The following XKR5 variants were observed in gnomAD, a reference collection of about 807,000 sequenced individuals.
XKR5 encodes XK-related protein 5.
XKR5 carries 46 observed loss-of-function variants against 40.8 expected under a neutral mutation model. The observed-to-expected ratio is 1.13, with a 90% CI of 0.89 to 1.44. The LOEUF is 1.44. Ranked by LOEUF, XKR5 falls within the 40% of genes most tolerant of loss-of-function variation. The pLI is 0.00. For synonymous variants in XKR5, 466 were observed against 356.1 expected, an observed-to-expected ratio of 1.31 and a Z score of -3.48; for missense variants, 1,169 against 844.7, an observed-to-expected ratio of 1.38 and a Z score of -4.76.
intron 2 of XKR5, chr8:6,829,181 C>G (rs578186658): frequency 5.9e-6 from 1 of 168,898 alleles, no homozygotes; most frequent in African/African-American, 2.4e-5. Flanking sequence ...TTAGAGTTTA[C>G]CTTAACTTTC....
chr8:6,819,288 G>C (rs545045541), intron 5 of XKR5, among the ~76,000 whole-genome samples: 1 of 152,200 alleles, frequency 6.6e-6, no homozygotes, highest in South Asian at 2.1e-4. Flanking sequence ...GGGGCTGCGT[G>C]GGTCCCGGCA....
At chr8:6,832,946 T>A in intron 1 of XKR5, 46 bp from the exon 2 acceptor site, 1 of 1,461,246 alleles carries the variant, frequency 6.8e-7, no homozygotes, top group South Asian at 1.4e-5. Flanking sequence ...AAGGCTGGAG[T>A]GAGACTGGGT....
chr8:6,811,352 A>C lies in XKR5; in HGVS notation c.1907T>G (p.Leu636Arg). 3.3e-6 allele frequency: 5 copies of C among 1,537,342 alleles called. No homozygotes were observed. Among genetic ancestry groups the C allele is most frequent in the African/African-American group, 2.7e-5 (2 of 73,162 alleles). ...CACACCAACAGCTGCATGGTGACTT[A>C]GCTCCCTTTTGGGCTCCAGCGGCTC... ...LEEPLEPKRELSHHAAVGVWV... is the reference protein window; with the variant it reads ...LEEPLEPKRERSHHAAVGVWV... Residue 636 changes from leucine (L) to arginine (R), a missense_variant, in exon 7 of 7, where the codon CTA becomes CGA. By Grantham distance (102) the Leu-to-Arg change is moderately radical (BLOSUM62 -2). Coordinates refer to ENST00000618742, the MANE Select transcript of XKR5 (RefSeq NM_207411.5).
chr8:6,812,821 C>T (rs1803799022), intron 6 of XKR5, among the ~76,000 whole-genome samples: 1 of 152,142 alleles, frequency 6.6e-6, no homozygotes, highest in South Asian at 2.1e-4. Context: ...ACAAGTAAGA[C>T]CTAAACAGAG....
chr8:6,832,929 T>C lies in XKR5; in HGVS notation c.59-29A>G, dbSNP rs376336584. 48 of 1,524,834 alleles carry C rather than the reference T, an allele frequency of 3.1e-5. 1 individual carries two copies. The highest frequency in any genetic ancestry group is 4.2e-5 in the Non-Finnish European group (48 of 1,140,524). 94.5% of individuals were successfully genotyped at this position (1,524,834 alleles called of 1,614,324 possible). A position where few individuals can be genotyped will look rare whatever the true frequency, so the allele number is the denominator to read the frequency against. On this transcript the variant is annotated intron_variant, in intron 1 of 6. Transcript: ENST00000618742. ...GGTGAGAAGGGGAAAGGCAAGCAGGTTGTTGGAAGGCTGGAGTGAGACTGG... is the reference window on the plus strand; with the variant it reads ...GGTGAGAAGGGGAAAGGCAAGCAGGCTGTTGGAAGGCTGGAGTGAGACTGG...
At chr8:6,830,022 A>G (rs1477310348) in intron 2 of XKR5, among the ~76,000 whole-genome samples, 2 of 151,550 alleles carry the variant, frequency 1.3e-5, no homozygotes, top group Non-Finnish European at 2.9e-5. Flanking sequence ...TATTTTTAGT[A>G]GAGACGGGGT....
rs1484673516 is a variant in XKR5, at chr8:6,811,549, C to A, written c.1710G>T (p.Arg570Ser). ...PATLQTAHSG[R>S]RLGKSSPAQP... ...GGGCAGGGCTGCTCTTTCCCAGCCT[C>A]CTTCCAGAGTGGGCCGTTTGCAGAG... The change falls in exon 7 of 7, where the codon AGG becomes AGT. Residue 570 changes from arginine (R) to serine (S), a missense_variant. Physicochemically the swap from Arg to Ser is moderately radical, Grantham distance 110. Coordinates refer to ENST00000618742, the MANE Select transcript of XKR5 (RefSeq NM_207411.5). The A allele has an allele frequency of 1.3e-6, 2 of 1,535,962 alleles. No individual in the cohort carries two copies. The highest frequency in any genetic ancestry group is 8.7e-7 in the Non-Finnish European group (1 of 1,146,082).
At chr8:6,818,089 C>G (rs1332630511) in intron 5 of XKR5, among the ~76,000 whole-genome samples, 1 of 152,230 alleles carries the variant, frequency 6.6e-6, no homozygotes, top group Admixed American at 6.5e-5. Context: ...ATGCAGGGCT[C>G]TTCCCTATGG....
chr8:6,834,295 T>G (rs967010293), intron 1 of XKR5, among the ~76,000 whole-genome samples: 2 of 152,240 alleles, frequency 1.3e-5, no homozygotes, highest in African/African-American at 4.8e-5. Flanking sequence ...AAAACTGCCC[T>G]GAGGTACAGC....
At chr8:6,826,479 A>G (rs4841770) in intron 2 of XKR5, among the ~76,000 whole-genome samples, 76,498 of 151,802 alleles carry the variant, frequency 0.5, 20,336 homozygotes, top group East Asian at 0.91. Context: ...GAAATAGTGG[A>G]GTTGGAGATC....
chr8:6,832,970 A>G (rs1452269844), intron 1 of XKR5, 70 bp from the exon 2 acceptor site: 2 of 1,320,498 alleles, frequency 1.5e-6, no homozygotes, highest in African/African-American at 1.5e-5. Flanking sequence ...TGCATTTTAA[A>G]CAACTGAACA....
intron 2 of XKR5, among the ~76,000 whole-genome samples, chr8:6,826,262 G>A (rs1035728029): frequency 2.0e-5 from 3 of 152,248 alleles, no homozygotes; most frequent in Middle Eastern, 6.8e-3. Flanking sequence ...ATATATGTGT[G>A]TGCATGAAGG....
chr8:6,815,307 C>G (rs897445460), intron 6 of XKR5, among the ~76,000 whole-genome samples: 1 of 152,204 alleles, frequency 6.6e-6, no homozygotes, highest in Non-Finnish European at 1.5e-5. Context: ...CAGGCCTGTG[C>G]TCAGGCCTGC....
At position 6,815,861 on chromosome 8, in the gene XKR5, C is replaced by T. The variant is rs367855352; in HGVS notation, c.865G>A (p.Ala289Thr). The change falls in exon 6 of 7, where the codon GCA (alanine) becomes ACA (threonine). Residue 289 changes from alanine (A) to threonine (T), a missense_variant. Transcript: ENST00000618742. ...LLLATDFLQG[A>T]SWTSLQTIAG... ...ATGGTCTGCAGGCTGGTCCACGATG[C>T]CCCCTGGAGAAAGTCGGTGGCCAAC... is the stretch of plus-strand genomic sequence containing the variant. 7 of 1,605,528 alleles carry T rather than the reference C, an allele frequency of 4.4e-6. No homozygotes were observed. The highest frequency in any genetic ancestry group is 2.2e-5 in the East Asian group (1 of 44,514).
chr8:6,829,975 C>G (rs1804685097), intron 2 of XKR5, among the ~76,000 whole-genome samples: 1 of 151,528 alleles, frequency 6.6e-6, no homozygotes, highest in Non-Finnish European at 1.5e-5. Flanking sequence ...GTAGCTGGGA[C>G]TACAGGCGCC....
rs907817451 is a variant in XKR5, at chr8:6,810,227, C to T, written c.*971G>A. ...TTTATGACTAGACTTCCTTAATCAG[C>T]TACAAAGGAAGGCTTAAAGAAATTA... On this transcript the variant is annotated 3_prime_UTR_variant, in exon 7 of 7. Transcript: ENST00000618742. The T allele has an allele frequency of 3.3e-5, 5 of 152,342 alleles. No homozygotes were observed. Among genetic ancestry groups the T allele is most frequent in the African/African-American group, 9.6e-5 (4 of 41,568 alleles). The allele number at this position is 152,342 out of a possible 1,614,324, so 9.4% of individuals were successfully genotyped here. A position where few individuals can be genotyped will look rare whatever the true frequency, so the allele number is the denominator to read the frequency against.
chr8:6,824,356 GGAGGGA>G (rs892609472), intron 3 of XKR5, among the ~76,000 whole-genome samples: 9 of 152,112 alleles, frequency 5.9e-5, no homozygotes, highest in Admixed American at 4.6e-4. Flanking sequence ...GGGGATAGCA[GGAGGGA>G]GAGGGAGAGG....
rs2117074214 is a variant in XKR5, at chr8:6,811,591, T to C, written c.1668A>G (p.Gln556=). 1.3e-6 allele frequency: 2 copies of C among 1,537,354 alleles called. No individual in the cohort carries two copies. The highest frequency in any genetic ancestry group is 8.7e-7 in the Non-Finnish European group (1 of 1,146,922). The change falls in exon 7 of 7, where the codon CAA becomes CAG. Residue 556 remains glutamine (Q), a synonymous_variant. Transcript: ENST00000618742. ...TTTGCAGAGTAGCTGGGCTGCCTTC[T>C]TGTTGTGAGGATGTGGCCACTTCTG... is the stretch of plus-strand genomic sequence containing the variant. ...ATAEVATSSQ[Q]EGSPATLQTA... is the part of the protein sequence containing the mutation.
intron 1 of XKR5, among the ~76,000 whole-genome samples, chr8:6,835,161 G>A (rs982325532): frequency 6.0e-5 from 9 of 149,986 alleles, no homozygotes; most frequent in African/African-American, 2.0e-4. Context: ...GCATGGGCGG[G>A]AGGAAGTCAA....
Sources: allele counts gnomAD v4.1 joint callset (sites outside exome capture counted in the v4.1 genomes callset), GRCh38; gene constraint gnomAD v4.1.1; transcripts MANE v1.5; gene names NCBI Gene and HGNC (gene_info 2026-07-23, HGNC 2026-07-21).